SNTB2: variants seen among roughly 807,000 people sequenced by gnomAD.
SNTB2 encodes beta-2-syntrophin.
SNTB2 carries 34 observed loss-of-function variants against 46.2 expected under a neutral mutation model. That is an observed-to-expected ratio of 0.74 (90% CI 0.56 to 0.98). The LOEUF is 0.98. Among genes scored for constraint, SNTB2 ranks in the 50% least tolerant of loss-of-function variants. The pLI, the probability that SNTB2 is intolerant of heterozygous loss-of-function variation, is 0.00. For missense variants in SNTB2, 603 were observed against 731.4 expected (o/e 0.82, Z 2.02); for synonymous variants, 290 against 312.6 (o/e 0.93, Z 0.76).
chr16:69,284,492 A>T (rs1004330940), intron 5 of SNTB2, among the ~76,000 whole-genome samples: 14 of 97,466 alleles, frequency 1.4e-4, no homozygotes, highest in African/African-American at 4.8e-4. Flanking sequence ...AAAAAAAAAA[A>T]TCCGTGCACA....
Position 69,270,130 on chromosome 16 carries a change from T to A in SNTB2, c.1006-13T>A. The stretch of plus-strand genomic sequence containing the variant: ...TAGTTAGCCCTGATTTCTGAATTTT[T>A]CCATTGTAACAGGCAAAACTAGATG... On this transcript the variant is annotated splice_polypyrimidine_tract_variant and intron_variant, in intron 3 of 6. Transcript: ENST00000336278. 6.2e-7 allele frequency: 1 copy of A among 1,613,600 alleles called. No individual in the cohort carries two copies. The highest frequency in any genetic ancestry group is 1.1e-5 in the South Asian group (1 of 91,068).
chr16:69,216,749 G>T (rs1964351355), intron 1 of SNTB2, among the ~76,000 whole-genome samples: 1 of 152,010 alleles, frequency 6.6e-6, no homozygotes, highest in Non-Finnish European at 1.5e-5. Context: ...AGCTCTGAAG[G>T]GATGGACATA....
At chr16:69,259,818 C>G (rs1203167259) in intron 2 of SNTB2, among the ~76,000 whole-genome samples, 1 of 151,176 alleles carries the variant, frequency 6.6e-6, no homozygotes, top group African/African-American at 2.4e-5. Context: ...CCGTGTTGCC[C>G]AGGCTGGTCT....
chr16:69,226,064 T>C (rs1269685454), intron 1 of SNTB2, among the ~76,000 whole-genome samples: 1 of 147,858 alleles, frequency 6.8e-6, no homozygotes, highest in Non-Finnish European at 1.5e-5. Context: ...TGCCCAGTTC[T>C]TCTGTTTTTT....
At chr16:69,272,390 A>G (rs1964945752) in intron 4 of SNTB2, among the ~76,000 whole-genome samples, 1 of 151,344 alleles carries the variant, frequency 6.6e-6, no homozygotes, top group South Asian at 2.1e-4. Flanking sequence ...AAAATATAAA[A>G]ATTAGCCAGT....
At chr16:69,291,203 G>A (rs376299949) in intron 5 of SNTB2, among the ~76,000 whole-genome samples, 2 of 152,244 alleles carry the variant, frequency 1.3e-5, no homozygotes, top group East Asian at 3.9e-4. Context: ...GGGCTGTCAG[G>A]CCAGGTCTAA....
intron 1 of SNTB2, chr16:69,231,139 T>C (rs1215281497): frequency 1.3e-5 from 2 of 152,118 alleles, no homozygotes; most frequent in African/African-American, 4.8e-5. Flanking sequence ...CTATATAGAG[T>C]CTAAACTTTT....
chr16:69,231,238 A>G (rs1343616874), intron 1 of SNTB2: 1 of 152,238 alleles, frequency 6.6e-6, no homozygotes, highest in Non-Finnish European at 1.5e-5. Flanking sequence ...ATTGTTTCAC[A>G]TAAAGCAGTG....
intron 2 of SNTB2, among the ~76,000 whole-genome samples, chr16:69,249,823 G>A (rs1184225327): frequency 1.3e-5 from 2 of 152,190 alleles, no homozygotes; most frequent in African/African-American, 2.4e-5. Flanking sequence ...ATTTGGCCGG[G>A]TGCAGTGGCT....
chr16:69,235,307 G>T (rs1964548257), intron 1 of SNTB2, among the ~76,000 whole-genome samples: 1 of 152,102 alleles, frequency 6.6e-6, no homozygotes, highest in South Asian at 2.1e-4. Flanking sequence ...AGGTGAATGG[G>T]TGTCTTCCCT....
In SNTB2 at chr16:69,303,757, C is replaced by T. The variant is rs1345740655; in HGVS notation, c.*2833C>T. 1.3e-5 allele frequency: 2 copies of T among 152,580 alleles called. No homozygotes were observed. The highest frequency in any genetic ancestry group is 4.8e-5 in the African/African-American group (2 of 41,420). The allele number at this position is 152,580 out of a possible 1,614,324, so 9.5% of individuals were successfully genotyped here. A position where few individuals can be genotyped will look rare whatever the true frequency, so the allele number is the denominator to read the frequency against. ...GAAGTGCTCTCTAATGAATGGGACA[C>T]CATGATAAATATGTATTTATATTTA... On this transcript the variant is annotated 3_prime_UTR_variant, in exon 7 of 7. Transcript: ENST00000336278.
At position 69,214,288 on chromosome 16, in the gene SNTB2, G is replaced by T. The variant is rs149675589; in HGVS notation, c.580+26542G>T. Among the ~76,000 whole-genome samples the T allele has an allele frequency of 2.6e-3, 394 of 151,006 alleles. 4 individuals carry two copies. In the East Asian group the frequency reaches 0.027, roughly 10 times the overall value. On this transcript the variant is annotated intron_variant, in intron 1 of 6. Transcript: ENST00000336278. The stretch of plus-strand genomic sequence containing the variant: ...TGGGATCACAAGTGTGCACCACCAC[G>T]CCTGGCTAATTTTTTTGTATTTTGT...
At chr16:69,274,652 C>CAA (rs758148568) in intron 4 of SNTB2, among the ~76,000 whole-genome samples, 15 of 66,718 alleles carry the variant, frequency 2.2e-4, no homozygotes, top group African/African-American at 5.7e-4. Flanking sequence ...GACTCCATCT[C>CAA]AAAAAAAAAA....
intron 1 of SNTB2, among the ~76,000 whole-genome samples, chr16:69,197,986 AC>A (rs1271114364): frequency 6.6e-6 from 1 of 152,076 alleles, no homozygotes; most frequent in Admixed American, 6.5e-5. Flanking sequence ...CTGGGCAAAT[AC>A]AAATTCTGCT....
In SNTB2 at chr16:69,303,602, T is replaced by A. The variant is rs1030292690; in HGVS notation, c.*2678T>A. The A allele has an allele frequency of 6.6e-6, 1 of 152,636 alleles. No homozygotes were observed. The highest frequency in any genetic ancestry group is 2.4e-5 in the African/African-American group (1 of 41,442). The allele number at this position is 152,636 out of a possible 1,614,324, so 9.5% of individuals were successfully genotyped here. ...TGAAATGAAAGTGTGGGAGGTTTCC[T>A]TTGTCCATTAGCAGCCCCAAGAACC... On this transcript the variant is annotated 3_prime_UTR_variant, in exon 7 of 7. Transcript: ENST00000336278.
intron 4 of SNTB2, among the ~76,000 whole-genome samples, chr16:69,277,306 T>C (rs894239089): frequency 1.3e-5 from 2 of 152,242 alleles, no homozygotes; most frequent in African/African-American, 4.8e-5. Context: ...GTACTTGCTT[T>C]TCTGGGGAGA....
intron 4 of SNTB2, among the ~76,000 whole-genome samples, chr16:69,270,961 T>C (rs1262766063): frequency 6.6e-6 from 1 of 152,176 alleles, no homozygotes; most frequent in Non-Finnish European, 1.5e-5. Flanking sequence ...AAACTACACA[T>C]TAAAGAAGAG....
At chr16:69,232,870 C>A (rs566602652) in intron 1 of SNTB2, among the ~76,000 whole-genome samples, 1 of 152,150 alleles carries the variant, frequency 6.6e-6, no homozygotes, top group African/African-American at 2.4e-5. Context: ...TCAGAGCTAC[C>A]TTATTTTTTG....
chr16:69,270,771 C>T (rs1964929847), intron 4 of SNTB2, among the ~76,000 whole-genome samples: 1 of 152,090 alleles, frequency 6.6e-6, no homozygotes, highest in Admixed American at 6.6e-5. Flanking sequence ...ATTGATTTGA[C>T]CTGAAGCCAC....
Sources: gnomAD v4.1 joint callset for allele counts (sites outside exome capture counted in the v4.1 genomes callset) on GRCh38, gnomAD v4.1.1 for gene constraint, MANE v1.5 for transcripts, NCBI Gene and HGNC (gene_info 2026-07-23, HGNC 2026-07-21) for gene names.